Variants in FBXO32 observed in about 807,000 individuals in gnomAD.
The protein encoded by FBXO32 is F-box protein 32.
In FBXO32, 15 loss-of-function variants were observed where a neutral mutation model predicts 48.3. That is an observed-to-expected ratio of 0.31 (90% CI 0.21 to 0.48). The LOEUF (loss-of-function observed/expected upper bound fraction) is 0.48. Among genes scored for constraint, FBXO32 ranks in the 20% least tolerant of loss-of-function variants. FBXO32 has a pLI of 0.99. For synonymous variants in FBXO32, 154 were observed against 165.9 expected (o/e 0.93, Z 0.55); for missense variants, 309 against 432.7 (o/e 0.71, Z 2.54).
intron 4 of FBXO32, among the ~76,000 whole-genome samples, chr8:123,530,613 C>A (rs1444434080): frequency 6.6e-6 from 1 of 152,070 alleles, no homozygotes; most frequent in African/African-American, 2.4e-5. Context: ...TAATATTTTG[C>A]TCATTAACTT....
In FBXO32 at chr8:123,540,830, TC is replaced by T; in HGVS notation, c.116+68del. 7.5e-7 allele frequency: 1 copy of T among 1,340,608 alleles called. No individual in the cohort carries two copies. 83.0% of individuals were successfully genotyped at this position (1,340,608 alleles called of 1,614,324 possible). On this transcript the variant is annotated intron_variant, in intron 1 of 8. Transcript: ENST00000517956. This position sits in a 1 kb window ranked among gnomAD's most constrained non-coding sequence, Gnocchi z 6.4. ...AGCCCTGCCTGCCCCTCATTCGCCG[TC>T]CCTGCGCCCCCCAGACCAGCCCGGG... is the stretch of plus-strand genomic sequence containing the variant.
At chr8:123,524,268 CTG>C (rs1484491347) in intron 4 of FBXO32, among the ~76,000 whole-genome samples, 2 of 152,182 alleles carry the variant, frequency 1.3e-5, no homozygotes, top group East Asian at 1.9e-4. Flanking sequence ...GTCCCCCCGT[CTG>C]TGAGTGTCCC....
intron 1 of FBXO32, among the ~76,000 whole-genome samples, chr8:123,535,826 G>GTTTTTTTTTTTT (rs149011780): frequency 1.5e-5 from 2 of 133,454 alleles, no homozygotes; most frequent in Non-Finnish European, 1.6e-5. Context: ...ATAAATTAGG[G>GTTTTTTTTTTTT]GTTTTTTTTT....
intron 4 of FBXO32, among the ~76,000 whole-genome samples, chr8:123,516,874 C>T (rs1259000609): frequency 2.0e-5 from 3 of 151,992 alleles, no homozygotes; most frequent in African/African-American, 7.2e-5. Context: ...GGCGGGAAAT[C>T]AAAACACCAG....
At chr8:123,521,281 TGAATCAAAGA>T (rs1286648461) in intron 4 of FBXO32, among the ~76,000 whole-genome samples, 2 of 152,232 alleles carry the variant, frequency 1.3e-5, no homozygotes, top group Non-Finnish European at 2.9e-5. Flanking sequence ...TTTGTCTTTT[TGAATCAAAGA>T]GTGTTGTAGC....
In FBXO32 at chr8:123,499,852, T is replaced by C. The variant is rs1816444803; in HGVS notation, c.*3521A>G. 6.6e-6 allele frequency: 1 copy of C among 152,160 alleles called. No individual in the cohort carries two copies. The highest frequency in any genetic ancestry group is 2.1e-4 in the South Asian group (1 of 4,820). 9.4% of individuals were successfully genotyped at this position (152,160 alleles called of 1,614,324 possible). ...TCCACAAAGACGAGAACTATGGCAA[T>C]AGCATAATACACACCCGCTACCTTA... On this transcript the variant is annotated 3_prime_UTR_variant, in exon 9 of 9. Coordinates refer to ENST00000517956, the MANE Select transcript of FBXO32 (RefSeq NM_058229.4).
At position 123,540,823 on chromosome 8, in the gene FBXO32, T is replaced by G; in HGVS notation, c.116+76A>C. On this transcript the variant is annotated intron_variant, in intron 1 of 8. Coordinates refer to ENST00000517956, the MANE Select transcript of FBXO32 (RefSeq NM_058229.4). This position sits in a 1 kb window ranked among gnomAD's most constrained non-coding sequence, Gnocchi z 6.4. ...CCGCTCCAGCCCTGCCTGCCCCTCA[T>G]TCGCCGTCCCTGCGCCCCCCAGACC... The G allele has an allele frequency of 2.4e-6, 3 of 1,268,582 alleles. No homozygotes were observed. Among genetic ancestry groups the G allele is most frequent in the South Asian group, 2.5e-5 (2 of 79,618 alleles). The allele number at this position is 1,268,582 out of a possible 1,614,324, so 78.6% of individuals were successfully genotyped here.
intron 4 of FBXO32, among the ~76,000 whole-genome samples, chr8:123,526,156 G>T (rs552302262): frequency 1.3e-5 from 2 of 151,916 alleles, no homozygotes; most frequent in African/African-American, 4.8e-5. Flanking sequence ...CCATTTTACA[G>T]ATGGGCGAGT....
At chr8:123,527,948 C>G (rs1367849070) in intron 4 of FBXO32, among the ~76,000 whole-genome samples, 5 of 152,126 alleles carry the variant, frequency 3.3e-5, no homozygotes, top group African/African-American at 1.2e-4. Context: ...CAGTACACGC[C>G]CCAGAAGTCG....
chr8:123,529,905 G>A (rs995592477), intron 4 of FBXO32, among the ~76,000 whole-genome samples: 1 of 152,208 alleles, frequency 6.6e-6, no homozygotes, highest in Non-Finnish European at 1.5e-5. Context: ...TTGAAGATCA[G>A]TTTGTAATAA....
intron 8 of FBXO32, among the ~76,000 whole-genome samples, chr8:123,504,206 T>A (rs1380691341): frequency 1.3e-5 from 2 of 152,276 alleles, no homozygotes; most frequent in Non-Finnish European, 2.9e-5. Flanking sequence ...GTACATTGAT[T>A]TAATCTTGAC....
intron 6 of FBXO32, among the ~76,000 whole-genome samples, chr8:123,511,105 C>T (rs992996993): frequency 1.3e-5 from 2 of 152,192 alleles, no homozygotes; most frequent in African/African-American, 4.8e-5. Flanking sequence ...TTTTAAAAAG[C>T]TGGATCATTG....
At chr8:123,535,155 C>T (rs751193691) in intron 1 of FBXO32, among the ~76,000 whole-genome samples, 12 of 151,916 alleles carry the variant, frequency 7.9e-5, no homozygotes, top group South Asian at 6.2e-4. Context: ...ACAAAAATGA[C>T]GAATGGGGGG....
intron 4 of FBXO32, among the ~76,000 whole-genome samples, chr8:123,530,408 C>T (rs61322905): frequency 0.049 from 7,517 of 152,006 alleles, 643 homozygotes; most frequent in African/African-American, 0.17. Flanking sequence ...ACCAAACCAA[C>T]CACACCCACA....
chr8:123,517,013 C>T lies in FBXO32; in HGVS notation c.373-2680G>A, dbSNP rs373314553. On this transcript the variant is annotated intron_variant, in intron 4 of 8. Coordinates refer to ENST00000517956, the MANE Select transcript of FBXO32 (RefSeq NM_058229.4). ...GACTGGCCAAACCTTTCATTTACCT[C>T]CCTGACCAACAGCAAGATTCGGAAG... 2.6e-5 allele frequency among the ~76,000 whole-genome samples: 4 copies of T among 152,280 alleles called. No individual in the cohort carries two copies. In the East Asian group the frequency reaches 7.7e-4, roughly 29 times the overall value.
At chr8:123,531,314 G>A (rs1394385918) in intron 4 of FBXO32, among the ~76,000 whole-genome samples, 1 of 152,150 alleles carries the variant, frequency 6.6e-6, no homozygotes, top group Non-Finnish European at 1.5e-5. Context: ...AGGTGGACAT[G>A]GGACTGAATA....
intron 4 of FBXO32, among the ~76,000 whole-genome samples, chr8:123,519,292 G>T (rs190518457): frequency 1.3e-3 from 200 of 152,254 alleles, no homozygotes; most frequent in Non-Finnish European, 2.1e-3. Flanking sequence ...GGCGGCTCAC[G>T]CCTGTAATCC....
chr8:123,523,313 C>T (rs551795503), intron 4 of FBXO32, among the ~76,000 whole-genome samples: 108 of 152,268 alleles, frequency 7.1e-4, no homozygotes, highest in African/African-American at 2.5e-3. Context: ...AAACATTGAC[C>T]AGGTGCGGTG....
chr8:123,532,364 C>T (rs1221921027), intron 3 of FBXO32, among the ~76,000 whole-genome samples: 4 of 152,200 alleles, frequency 2.6e-5, no homozygotes, highest in Non-Finnish European at 2.9e-5. Flanking sequence ...GTGACTGTAA[C>T]GTACTCCTGG....
Sources: gnomAD v4.1 joint callset for allele counts (sites outside exome capture counted in the v4.1 genomes callset) on GRCh38, gnomAD v4.1.1 for gene constraint, Gnocchi (gnomAD v3.1) non-coding constraint, MANE v1.5 for transcripts, NCBI Gene and HGNC (gene_info 2026-07-23, HGNC 2026-07-21) for gene names.